RMP64: variants seen among roughly 807,000 people sequenced by gnomAD.
The protein encoded by RMP64 is nucleolus and neural progenitor protein.
the RMP64 span, chr3:113,011,097 T>C: frequency 6.2e-7 from 1 of 1,612,424 alleles, no homozygotes; most frequent in Non-Finnish European, 8.5e-7. Context: ...CATTATTCTG[T>C]ACATTGATCT....
At chr3:113,004,062 T>C in the RMP64 span, 2 of 152,328 alleles carry the variant, frequency 1.3e-5, no homozygotes, top group South Asian at 2.1e-4. Context: ...TAGAAGTTAA[T>C]GGCCATTTCT....
At chr3:113,002,513 T>C in the RMP64 span, 6 of 150,522 alleles carry the variant, frequency 4.0e-5, no homozygotes, top group African/African-American at 1.5e-4. Flanking sequence ...ATCCCCACAG[T>C]TACCCCCCGA....
the RMP64 span, among the ~76,000 whole-genome samples, chr3:113,018,456 G>A: frequency 6.6e-6 from 1 of 152,214 alleles, no homozygotes; most frequent in South Asian, 2.1e-4. Flanking sequence ...GGGATAATCT[G>A]TAAAGTGTGT....
the RMP64 span, chr3:113,012,973 T>C: frequency 6.4e-6 from 4 of 620,862 alleles, no homozygotes; most frequent in Admixed American, 2.9e-5. Context: ...TAAAATATGG[T>C]TATAAACACT....
At chr3:113,015,951 G>A in the RMP64 span, among the ~76,000 whole-genome samples, 1 of 151,662 alleles carries the variant, frequency 6.6e-6, no homozygotes, top group Non-Finnish European at 1.5e-5. Flanking sequence ...CTGCCAGAAA[G>A]GCTTAAAATG....
chr3:113,005,511 A>G, the RMP64 span: 2 of 1,436,118 alleles, frequency 1.4e-6, no homozygotes, highest in East Asian at 2.3e-5. Flanking sequence ...TTAATCACTT[A>G]AAAGTCTCAC....
the RMP64 span, among the ~76,000 whole-genome samples, chr3:113,019,327 T>G: frequency 1.5e-4 from 23 of 152,326 alleles, no homozygotes; most frequent in African/African-American, 4.6e-4. Context: ...AGCCCTGGGT[T>G]AGCACAGCTG....
At chr3:113,010,691 T>C in the RMP64 span, 251 of 1,613,248 alleles carry the variant, frequency 1.6e-4, 1 homozygote, top group Non-Finnish European at 2.0e-4. Flanking sequence ...TCACATCAAA[T>C]TCTGATGACT....
At chr3:113,010,920 G>A in the RMP64 span, 1 of 923,910 alleles carries the variant, frequency 1.1e-6, no homozygotes, top group Admixed American at 2.9e-5. Flanking sequence ...TAATCAATAT[G>A]AGTCAAAATT....
chr3:113,017,332 C>T, the RMP64 span: 9 of 853,692 alleles, frequency 1.1e-5, no homozygotes, highest in East Asian at 2.1e-4. Context: ...GCCTATAAAA[C>T]ACAAGTAATT....
At chr3:113,004,408 CTG>C in the RMP64 span, 1 of 152,054 alleles carries the variant, frequency 6.6e-6, no homozygotes, top group East Asian at 1.9e-4. Context: ...GTAGAGATAA[CTG>C]AGAAAATGGA....
chr3:113,015,613 G>A, the RMP64 span, among the ~76,000 whole-genome samples: 1 of 152,130 alleles, frequency 6.6e-6, no homozygotes, highest in Admixed American at 6.5e-5. Flanking sequence ...CCATTTAGGG[G>A]AATGTTTAGA....
the RMP64 span, among the ~76,000 whole-genome samples, chr3:113,007,882 C>T: frequency 6.6e-6 from 1 of 152,176 alleles, no homozygotes; most frequent in South Asian, 2.1e-4. Context: ...GCAGTTGTAT[C>T]CTCAGGCTCA....
At chr3:113,006,664 G>T in the RMP64 span, among the ~76,000 whole-genome samples, 1 of 152,184 alleles carries the variant, frequency 6.6e-6, no homozygotes, top group African/African-American at 2.4e-5. Flanking sequence ...GTTTGTGATA[G>T]ATTTTAAAAG....
chr3:113,012,826 T>A, the RMP64 span: 8 of 1,503,876 alleles, frequency 5.3e-6, no homozygotes, highest in African/African-American at 1.1e-4. Context: ...AAAATCAATT[T>A]AAGGTAGAAA....
At chr3:113,017,362 T>C in the RMP64 span, 3 of 1,119,706 alleles carry the variant, frequency 2.7e-6, no homozygotes, top group Admixed American at 2.3e-5. Flanking sequence ...TTCCACGAGA[T>C]TTCCATAAAT....
the RMP64 span, among the ~76,000 whole-genome samples, chr3:113,015,456 G>T: frequency 1.3e-5 from 2 of 152,094 alleles, no homozygotes; most frequent in African/African-American, 4.8e-5. Context: ...TTTTATTTTA[G>T]CATTTAATTA....
the RMP64 span, chr3:113,004,987 C>T: frequency 6.4e-6 from 1 of 156,636 alleles, no homozygotes; most frequent in African/African-American, 2.4e-5. Flanking sequence ...TGGTTGTAAC[C>T]AGTCCCTGGT....
the RMP64 span, chr3:113,012,727 T>C: frequency 1.3e-6 from 2 of 1,511,258 alleles, no homozygotes; most frequent in Non-Finnish European, 9.2e-7. Flanking sequence ...CAGAGGTATG[T>C]ACATACCATA....
Sources: allele counts gnomAD v4.1 joint callset (sites outside exome capture counted in the v4.1 genomes callset), GRCh38; gene constraint gnomAD v4.1.1; transcripts MANE v1.5; gene names NCBI Gene and HGNC (gene_info 2026-07-23, HGNC 2026-07-21).